Variants in PCDHGB4 observed in about 807,000 individuals in gnomAD.
PCDHGB4 encodes protocadherin gamma subfamily B, 4, also known as protocadherin gamma-B4.
A neutral mutation model predicts 60.5 loss-of-function variants in PCDHGB4; 38 were observed. The observed-to-expected ratio is 0.63, with a 90% CI of 0.48 to 0.82. The LOEUF (loss-of-function observed/expected upper bound fraction) is 0.82, where lower values mean the gene tolerates loss of function less well. Ranked by LOEUF, PCDHGB4 falls within the 40% of genes least tolerant of loss-of-function variation. PCDHGB4 has a pLI of 0.00. For missense variants in PCDHGB4, 1,109 were observed against 1,209.6 expected, an observed-to-expected ratio of 0.92 and a Z score of 1.23; for synonymous variants, 456 against 509.7, an observed-to-expected ratio of 0.89 and a Z score of 1.42.
intron 1 of PCDHGB4, chr5:141,419,335 T>C: frequency 6.2e-7 from 1 of 1,613,886 alleles, no homozygotes; most frequent in Non-Finnish European, 8.5e-7. Context: ...ACTCTCTCAT[T>C]GCCAGCGACC....
chr5:141,508,409 G>T (rs143032030), intron 3 of PCDHGB4: 4 of 152,276 alleles, frequency 2.6e-5, no homozygotes, highest in South Asian at 2.1e-4. Context: ...CTTGAGCCAC[G>T]CAGAGACTTG....
chr5:141,409,750 G>T, intron 1 of PCDHGB4: 1 of 1,613,016 alleles, frequency 6.2e-7, no homozygotes, highest in South Asian at 1.1e-5. Context: ...TGGTGTTCGC[G>T]CAGCGCGCCT....
intron 1 of PCDHGB4, chr5:141,392,836 C>T: frequency 6.2e-7 from 1 of 1,608,040 alleles, no homozygotes; most frequent in Non-Finnish European, 8.5e-7. Context: ...CAGAGTCGCC[C>T]CAGACGCGGC....
At chr5:141,469,126 A>T (rs2099191838) in intron 1 of PCDHGB4, among the ~76,000 whole-genome samples, 1 of 151,470 alleles carries the variant, frequency 6.6e-6, no homozygotes, top group African/African-American at 2.4e-5. Context: ...AAATTTAAAA[A>T]TTAGCCAGAA....
At position 141,405,128 on chromosome 5, in the gene PCDHGB4, C is replaced by T. The variant is rs373084923; in HGVS notation, c.2397+14847C>T. On this transcript the variant is annotated intron_variant, in intron 1 of 3. Transcript: ENST00000519479. ...GCACTGGCACTCCTCGCATCTGCTG[C>T]GGGCTACCAGTGATGGGTTGGCTGG... is the stretch of plus-strand genomic sequence containing the variant. The T allele has an allele frequency of 4.8e-5, 78 of 1,614,002 alleles. No individual in the cohort carries two copies. The highest frequency in any genetic ancestry group is 2.8e-4 in the African/African-American group (21 of 75,052).
In PCDHGB4 at chr5:141,390,024, C is replaced by T. The variant is rs1449274096; in HGVS notation, c.2140C>T (p.Arg714Ter). ...AMILAIALRLRRSSSPASWSC... is the reference protein window; with the variant it reads ...AMILAIALRL ...GATTCTGGCCATTGCCTTGCGCCTG[C>T]GACGCTCCTCCAGCCCCGCCTCCTG... The change falls in exon 1 of 4, where the codon CGA becomes TGA. Residue 714 changes from arginine (R) to a stop codon, truncating the protein, a stop_gained. Transcript: ENST00000519479. LOFTEE classifies it high-confidence loss of function. 6 of 1,613,926 alleles carry T rather than the reference C, an allele frequency of 3.7e-6. No homozygotes were observed. In the African/African-American group the frequency reaches 4.0e-5, roughly 11 times the overall value.
chr5:141,404,974 C>A, intron 1 of PCDHGB4: 1 of 1,614,022 alleles, frequency 6.2e-7, no homozygotes, highest in South Asian at 1.1e-5. Flanking sequence ...TCCTGGCTGA[C>A]CTGGGCAGTC....
At chr5:141,466,515 TTTTCCTCCCAAATTGA>T (rs2099124043) in intron 1 of PCDHGB4, among the ~76,000 whole-genome samples, 1 of 152,232 alleles carries the variant, frequency 6.6e-6, no homozygotes, top group Admixed American at 6.5e-5. Context: ...AGATCATTTT[TTTTCCTCCCAAATTGA>T]TGTAGATGGT....
intron 2 of PCDHGB4, among the ~76,000 whole-genome samples, chr5:141,501,026 G>A (rs1053442173): frequency 7.9e-5 from 12 of 151,608 alleles, no homozygotes; most frequent in Non-Finnish European, 1.5e-4. Flanking sequence ...GCGCCACCAC[G>A]CCCAGCTAAT....
At chr5:141,424,746 T>TTA (rs1392854638) in intron 1 of PCDHGB4, 1 of 152,214 alleles carries the variant, frequency 6.6e-6, no homozygotes, top group Non-Finnish European at 1.5e-5. Flanking sequence ...CTTTCTTTCT[T>TTA]TATAAGGTCA....
In PCDHGB4 at chr5:141,493,985, C is replaced by A. The variant is rs1444608753; in HGVS notation, c.2398-822C>A. On this transcript the variant is annotated intron_variant, in intron 1 of 3. Coordinates refer to ENST00000519479, the MANE Select transcript of PCDHGB4 (RefSeq NM_003736.4). This position sits in a 1 kb window ranked among gnomAD's most constrained non-coding sequence, Gnocchi z 4.3. ...GCTGGCCAGAGCCCCACACCTTCAGCTAGGTGGGAGATGGCTACACATCAG... is the reference window on the plus strand; with the variant it reads ...GCTGGCCAGAGCCCCACACCTTCAGATAGGTGGGAGATGGCTACACATCAG... Among the ~76,000 whole-genome samples the A allele has an allele frequency of 6.6e-6, 1 of 152,196 alleles. No individual in the cohort carries two copies. The highest frequency in any genetic ancestry group is 1.5e-5 in the Non-Finnish European group (1 of 68,032).
chr5:141,444,093 G>A (rs531514787), intron 1 of PCDHGB4, among the ~76,000 whole-genome samples: 1 of 147,730 alleles, frequency 6.8e-6, no homozygotes, highest in East Asian at 2.0e-4. Flanking sequence ...GTCTGCTAAG[G>A]ATTGGAAACC....
chr5:141,399,830 C>G (rs1304936728), intron 1 of PCDHGB4: 1 of 1,613,192 alleles, frequency 6.2e-7, no homozygotes. Flanking sequence ...CCCGACGGCT[C>G]TGCGCTCTTC....
At chr5:141,417,958 C>T (rs1255501304) in intron 1 of PCDHGB4, 3 of 1,613,720 alleles carry the variant, frequency 1.9e-6, no homozygotes, top group South Asian at 2.2e-5. Context: ...GTGAGCCGAT[C>T]CGCTACTCGA....
At chr5:141,409,441 G>C (rs1432743588) in intron 1 of PCDHGB4, 1 of 1,613,884 alleles carries the variant, frequency 6.2e-7, no homozygotes, top group East Asian at 2.2e-5. Context: ...TGGACCGAGA[G>C]CAGACACCAG....
At chr5:141,407,336 G>C (rs1005803062) in intron 1 of PCDHGB4, among the ~76,000 whole-genome samples, 1 of 152,124 alleles carries the variant, frequency 6.6e-6, no homozygotes, top group South Asian at 2.1e-4. Context: ...ATATTGAAAT[G>C]TATGTTAATT....
chr5:141,431,355 C>T lies in PCDHGB4; in HGVS notation c.2397+41074C>T. 1 of 1,614,054 alleles carries T rather than the reference C, an allele frequency of 6.2e-7. No homozygotes were observed. Among genetic ancestry groups the T allele is most frequent in the South Asian group, 1.1e-5 (1 of 91,082 alleles). ...TACCCCGAATTGGTGCTGAAACGCG[C>T]CCTGGACCGCGAAGAAAAGGCTGCT... On this transcript the variant is annotated intron_variant, in intron 1 of 3. Transcript: ENST00000519479. The surrounding 1 kb of genome is among the most constrained non-coding windows in gnomAD (Gnocchi z 4.8).
chr5:141,388,394 C>G lies in PCDHGB4; in HGVS notation c.510C>G (p.Tyr170Ter), dbSNP rs371227077. 5 of 1,613,846 alleles carry G rather than the reference C, an allele frequency of 3.1e-6. No individual in the cohort carries two copies. In the African/African-American group the frequency reaches 4.0e-5, roughly 13 times the overall value. ...ADIGSNTLQN[Y>*]QLSPSDHFSL... ...TTGGTAGCAACACACTGCAGAATTA[C>G]CAACTCAGTCCCAGTGATCATTTCT... The change falls in exon 1 of 4, where the codon TAC (tyrosine) becomes TAG (stop). Residue 170 changes from tyrosine to a stop codon, truncating the protein, a stop_gained. Coordinates refer to ENST00000519479, the MANE Select transcript of PCDHGB4 (RefSeq NM_003736.4). LOFTEE classifies it high-confidence loss of function.
Position 141,409,958 on chromosome 5 carries a change from T to C in PCDHGB4, c.2397+19677T>C. ...GGTACCTCGCTCTGCAGAGCCCGGC[T>C]ACCTAGTGACTAAGGTGGTAGCGGT... On this transcript the variant is annotated intron_variant, in intron 1 of 3. Transcript: ENST00000519479. 6.2e-7 allele frequency: 1 copy of C among 1,613,394 alleles called. No individual in the cohort carries two copies.
Sources: allele counts gnomAD v4.1 joint callset (sites outside exome capture counted in the v4.1 genomes callset), GRCh38; gene constraint gnomAD v4.1.1; non-coding constraint Gnocchi (gnomAD v3.1); transcripts MANE v1.5; gene names NCBI Gene and HGNC (gene_info 2026-07-23, HGNC 2026-07-21).